Variants in GNB1 observed in about 807,000 individuals in gnomAD.
GNB1 encodes guanine nucleotide-binding protein G(I)/G(S)/G(T) subunit beta-1.
In GNB1, 2 loss-of-function variants were observed where a neutral mutation model predicts 42.9. The ratio of observed to expected loss-of-function variants is 0.05; its 90% confidence interval spans 0.02 to 0.15. The LOEUF is 0.15. Among genes scored for constraint, GNB1 ranks in the 10% least tolerant of loss-of-function variants. The pLI is 1.00. For synonymous variants in GNB1, 183 were observed against 174.7 expected, an observed-to-expected ratio of 1.05 and a Z score of -0.38; for missense variants, 193 against 462.2, an observed-to-expected ratio of 0.42 and a Z score of 5.34.
chr1:1,790,691 C>G lies in GNB1; in HGVS notation c.498-95G>C. 6 of 756,834 alleles carry G rather than the reference C, an allele frequency of 7.9e-6. No individual in the cohort carries two copies. Among genetic ancestry groups the G allele is most frequent in the Middle Eastern group, 3.3e-4 (1 of 3,004 alleles). The allele number at this position is 756,834 out of a possible 1,614,324, so 46.9% of individuals were successfully genotyped here. A position where few individuals can be genotyped will look rare whatever the true frequency, so the allele number is the denominator to read the frequency against. ...ATCTGTCCTTCAAACCACCCAGGGC[C>G]ACAGTGAGCCTCTGCACTGTTACTT... On this transcript the variant is annotated intron_variant, in intron 8 of 11. Transcript: ENST00000378609. This position sits in a 1 kb window ranked among gnomAD's most constrained non-coding sequence, Gnocchi z 5.4.
intron 1 of GNB1, among the ~76,000 whole-genome samples, chr1:1,883,167 G>T (rs900274840): frequency 1.3e-5 from 2 of 150,922 alleles, no homozygotes; most frequent in African/African-American, 4.9e-5. Flanking sequence ...AGCTACTTGT[G>T]AGACTGAGAG....
intron 2 of GNB1, among the ~76,000 whole-genome samples, chr1:1,830,883 G>C (rs1557910778): frequency 6.6e-6 from 1 of 152,156 alleles, no homozygotes; most frequent in Non-Finnish European, 1.5e-5. Flanking sequence ...ACCTGATGCA[G>C]CCAGGTGCAA....
At chr1:1,871,852 G>A (rs1476023776) in intron 1 of GNB1, among the ~76,000 whole-genome samples, 2 of 152,048 alleles carry the variant, frequency 1.3e-5, no homozygotes, top group African/African-American at 4.8e-5. Context: ...CAACCTGGCT[G>A]ACTCTACCAC....
chr1:1,890,501 GC>G (rs1269934159), intron 1 of GNB1: 2 of 145,248 alleles, frequency 1.4e-5, no homozygotes, highest in South Asian at 2.0e-4. Context: ...CCCGACCCGC[GC>G]CCCCGGGGCC....
chr1:1,811,184 C>T (rs1465843029), intron 5 of GNB1, among the ~76,000 whole-genome samples: 2 of 151,482 alleles, frequency 1.3e-5, no homozygotes, highest in African/African-American at 4.9e-5. Flanking sequence ...CTCCTGGGTT[C>T]AAGCGATTCT....
At chr1:1,817,561 C>T (rs1435216732) in intron 4 of GNB1, 4 of 269,480 alleles carry the variant, frequency 1.5e-5, no homozygotes. Context: ...AGGAGAGGAG[C>T]TTCAAAATAT....
At chr1:1,794,881 G>A (rs762160017) in intron 7 of GNB1, among the ~76,000 whole-genome samples, 14 of 151,984 alleles carry the variant, frequency 9.2e-5, no homozygotes, top group African/African-American at 2.4e-4. Flanking sequence ...GTAGAGATGG[G>A]GTTTCACCAT....
At chr1:1,820,288 G>A (rs548576875) in intron 3 of GNB1, among the ~76,000 whole-genome samples, 1 of 149,688 alleles carries the variant, frequency 6.7e-6, no homozygotes, top group East Asian at 2.0e-4. Flanking sequence ...AACCTGGGAG[G>A]CAGAGGTTGC....
Position 1,872,785 on chromosome 1 carries a change from CCA to C in GNB1, c.-96+18033_-96+18034del, listed in dbSNP as rs1183651773. 6.6e-5 allele frequency among the ~76,000 whole-genome samples: 10 copies of C among 152,342 alleles called. No individual in the cohort carries two copies. In the South Asian group the frequency reaches 1.7e-3, roughly 25 times the overall value. ...TCGCTTCTTCCAGTTCGCCATCTCC[CCA>C]CAGAGAATGAACCACCAGTTGCAAC... is the stretch of plus-strand genomic sequence containing the variant. On this transcript the variant is annotated intron_variant, in intron 1 of 11. Coordinates refer to ENST00000378609, the MANE Select transcript of GNB1 (RefSeq NM_002074.5).
chr1:1,862,487 G>C (rs1453558086), intron 1 of GNB1, among the ~76,000 whole-genome samples: 1 of 150,168 alleles, frequency 6.7e-6, no homozygotes, highest in Non-Finnish European at 1.5e-5. Flanking sequence ...TTTTTTTTGA[G>C]ACAGGGTCTC....
chr1:1,879,392 C>T (rs1469257832), intron 1 of GNB1, among the ~76,000 whole-genome samples: 3 of 152,180 alleles, frequency 2.0e-5, no homozygotes, highest in African/African-American at 7.2e-5. Flanking sequence ...TGTTACCATA[C>T]ATAACATTTT....
chr1:1,812,278 A>G (rs544882670), intron 5 of GNB1, among the ~76,000 whole-genome samples: 3 of 152,070 alleles, frequency 2.0e-5, no homozygotes, highest in African/African-American at 4.8e-5. Flanking sequence ...GCAAACCAAC[A>G]TGGCACATGT....
At position 1,891,035 on chromosome 1, in the gene GNB1, T is replaced by C. The variant is rs1194896433; in HGVS notation, c.-311A>G. ...CGCTCCCGCCGCCGCCGCCGCCGCC[T>C]CCGTCCGCCCCTCAGACGCCTCCAG... On this transcript the variant is annotated 5_prime_UTR_variant, in exon 1 of 12. Coordinates refer to ENST00000378609, the MANE Select transcript of GNB1 (RefSeq NM_002074.5). 6 of 154,438 alleles carry C rather than the reference T, an allele frequency of 3.9e-5. No individual in the cohort carries two copies. The highest frequency in any genetic ancestry group is 7.0e-5 in the Non-Finnish European group (5 of 71,004). The allele number at this position is 154,438 out of a possible 1,614,324, so 9.6% of individuals were successfully genotyped here.
intron 1 of GNB1, among the ~76,000 whole-genome samples, chr1:1,861,484 C>T (rs1219399602): frequency 2.6e-5 from 4 of 151,492 alleles, no homozygotes; most frequent in African/African-American, 9.8e-5. Flanking sequence ...ATAATAAAAA[C>T]CCAGCAGGAA....
At chr1:1,807,819 TG>T (rs935237450) in intron 5 of GNB1, among the ~76,000 whole-genome samples, 8 of 151,888 alleles carry the variant, frequency 5.3e-5, no homozygotes, top group African/African-American at 1.7e-4. Context: ...GCCATTCTCC[TG>T]CCCCAGTCTC....
intron 1 of GNB1, among the ~76,000 whole-genome samples, chr1:1,853,263 C>T (rs142474664): frequency 6.0e-4 from 91 of 152,288 alleles, no homozygotes; most frequent in Admixed American, 1.3e-3. Flanking sequence ...CTCTGACATG[C>T]GACTCCTCCG....
intron 5 of GNB1, among the ~76,000 whole-genome samples, chr1:1,815,469 G>A (rs1024836785): frequency 1.3e-5 from 2 of 152,196 alleles, no homozygotes; most frequent in Admixed American, 6.5e-5. Flanking sequence ...GAAGACAGAG[G>A]TCTAGAAACT....
At chr1:1,826,093 C>G (rs1293185316) in intron 2 of GNB1, among the ~76,000 whole-genome samples, 1 of 152,102 alleles carries the variant, frequency 6.6e-6, no homozygotes, top group Admixed American at 6.5e-5. Context: ...ATAAAAAAAT[C>G]TAGGTCTCCC....
intron 5 of GNB1, among the ~76,000 whole-genome samples, chr1:1,809,474 A>G (rs1210696626): frequency 2.0e-5 from 3 of 152,174 alleles, no homozygotes; most frequent in African/African-American, 7.2e-5. Flanking sequence ...CTTAAAGCAA[A>G]CTTCTCAATC....
Sources: allele counts gnomAD v4.1 joint callset (sites outside exome capture counted in the v4.1 genomes callset), GRCh38; gene constraint gnomAD v4.1.1; non-coding constraint Gnocchi (gnomAD v3.1); transcripts MANE v1.5; gene names NCBI Gene and HGNC (gene_info 2026-07-23, HGNC 2026-07-21).